The following AKAP13 variants were observed in gnomAD, a reference collection of about 807,000 sequenced individuals.
AKAP13 encodes the protein A-kinase anchoring protein 13.
In AKAP13, 80 loss-of-function variants were observed where a neutral mutation model predicts 264.5. The ratio of observed to expected loss-of-function variants is 0.30; its 90% CI spans 0.25 to 0.36. The LOEUF (loss-of-function observed/expected upper bound fraction) is 0.36, where lower values mean the gene tolerates loss of function less well. Ranked by LOEUF, AKAP13 falls within the 10% of genes least tolerant of loss-of-function variation. The pLI, the probability that AKAP13 is intolerant of heterozygous loss-of-function variation, is 1.00. For synonymous variants in AKAP13, 1,380 were observed against 1,250.2 expected (o/e 1.10, Z -2.19); for missense variants, 3,712 against 3,435.2 (o/e 1.08, Z -2.01).
chr15:85,638,648 A>G (rs1382786156), intron 8 of AKAP13, among the ~76,000 whole-genome samples: 1 of 152,102 alleles, frequency 6.6e-6, no homozygotes, highest in Non-Finnish European at 1.5e-5. Flanking sequence ...TAAAGGCAAT[A>G]TTTAAATTTT....
intron 5 of AKAP13, among the ~76,000 whole-genome samples, chr15:85,547,112 A>T (rs963690644): frequency 6.6e-6 from 1 of 152,252 alleles, no homozygotes; most frequent in East Asian, 1.9e-4. Flanking sequence ...AATTGTCCAC[A>T]TATAAGCCGG....
At chr15:85,642,590 C>T (rs2082359305) in intron 9 of AKAP13, among the ~76,000 whole-genome samples, 1 of 152,232 alleles carries the variant, frequency 6.6e-6, no homozygotes, top group African/African-American at 2.4e-5. Context: ...TACGGTCCCT[C>T]TCTCTCCATC....
chr15:85,557,840 TAAC>T (rs942576729), intron 5 of AKAP13, among the ~76,000 whole-genome samples: 1 of 152,204 alleles, frequency 6.6e-6, no homozygotes, highest in Non-Finnish European at 1.5e-5. Flanking sequence ...TTAATAGCAA[TAAC>T]AACAATAATA....
intron 2 of AKAP13, among the ~76,000 whole-genome samples, chr15:85,499,612 A>T (rs1208354224): frequency 1.3e-5 from 2 of 152,094 alleles, no homozygotes; most frequent in Non-Finnish European, 1.5e-5. Flanking sequence ...GCCATGTGAA[A>T]CTGTTAACGG....
chr15:85,485,615 A>G, intron 1 of AKAP13, 95 bp from the exon 2 acceptor site: 1 of 1,043,418 alleles, frequency 9.6e-7, no homozygotes, highest in Non-Finnish European at 1.5e-6. Flanking sequence ...GATTGTACTC[A>G]CAGAGCTATG....
At chr15:85,571,268 C>CTTT (rs35814250) in intron 5 of AKAP13, among the ~76,000 whole-genome samples, 267 of 151,256 alleles carry the variant, frequency 1.8e-3, no homozygotes, top group African/African-American at 5.0e-3. Context: ...GACTTATGTA[C>CTTT]TTTTTTTTTA....
chr15:85,401,202 CTATAA>C (rs1366112617), intron 1 of AKAP13, among the ~76,000 whole-genome samples: 1 of 152,022 alleles, frequency 6.6e-6, no homozygotes, highest in African/African-American at 2.4e-5. Flanking sequence ...TATGATGGTT[CTATAA>C]TAAAGTCTTG....
At chr15:85,401,864 C>G (rs1202669582) in intron 1 of AKAP13, among the ~76,000 whole-genome samples, 2 of 152,058 alleles carry the variant, frequency 1.3e-5, no homozygotes, top group Non-Finnish European at 1.5e-5. Context: ...GAATGAGTAA[C>G]AAGACAGTAG....
chr15:85,652,172 G>C (rs1189092899), intron 10 of AKAP13, among the ~76,000 whole-genome samples: 1 of 152,232 alleles, frequency 6.6e-6, no homozygotes, highest in Non-Finnish European at 1.5e-5. Flanking sequence ...ATTCTAGACA[G>C]ATCTCTTTGT....
intron 4 of AKAP13, among the ~76,000 whole-genome samples, chr15:85,537,491 C>G (rs1216960955): frequency 6.6e-6 from 1 of 152,304 alleles, no homozygotes; most frequent in Middle Eastern, 3.4e-3. Flanking sequence ...TTTTAGCTTT[C>G]TTCAGGTCAG....
At chr15:85,477,490 T>A (rs1430295205) in intron 1 of AKAP13, among the ~76,000 whole-genome samples, 1 of 152,062 alleles carries the variant, frequency 6.6e-6, no homozygotes, top group Non-Finnish European at 1.5e-5. Context: ...GGCCTGGCCC[T>A]GTTGGCTGGG....
At position 85,719,284 on chromosome 15, in the gene AKAP13, G is replaced by T. The variant is rs777011192; in HGVS notation, c.6210G>T (p.Lys2070Asn). The change falls in exon 23 of 37, where the codon AAG (lysine) becomes AAT (asparagine). Residue 2070 changes from lysine to asparagine, a missense_variant. Physicochemically the swap from Lys to Asn is moderately conservative, Grantham distance 94. Coordinates refer to ENST00000394518, the MANE Select transcript of AKAP13 (RefSeq NM_007200.5). Reference sequence around the variant, plus strand: ...AGTCTCTGGTGGATAAAAGTGAAAAGAACTTTCTCATCAAGAGGATAGGGG... The same window carrying T: ...AGTCTCTGGTGGATAAAAGTGAAAATAACTTTCTCATCAAGAGGATAGGGG... ...KKESLVDKSE[K>N]NFLIKRIGDV... 1 of 1,614,186 alleles carries T rather than the reference G, an allele frequency of 6.2e-7. No homozygotes were observed. The highest frequency in any genetic ancestry group is 1.1e-5 in the South Asian group (1 of 91,080).
chr15:85,447,190 C>T (rs537343327), intron 1 of AKAP13, among the ~76,000 whole-genome samples: 4 of 152,120 alleles, frequency 2.6e-5, no homozygotes, highest in South Asian at 2.1e-4. Flanking sequence ...TCTCTTGAAC[C>T]GGGGAGGTGG....
At chr15:85,429,704 A>G (rs2072944944) in intron 1 of AKAP13, among the ~76,000 whole-genome samples, 1 of 152,166 alleles carries the variant, frequency 6.6e-6, no homozygotes, top group African/African-American at 2.4e-5. Flanking sequence ...GCATAGTTAT[A>G]ACAGGGAGGC....
Position 85,457,257 on chromosome 15 carries a change from T to C in AKAP13, c.-11-28453T>C, listed in dbSNP as rs570862671. Among the ~76,000 whole-genome samples the C allele has an allele frequency of 3.9e-5, 6 of 152,316 alleles. No homozygotes were observed. In the South Asian group the frequency reaches 1.2e-3, roughly 32 times the overall value. On this transcript the variant is annotated intron_variant, in intron 1 of 36. Coordinates refer to ENST00000394518, the MANE Select transcript of AKAP13 (RefSeq NM_007200.5). ...CACAGTGAGTGCTGCTTTTTTTTGG[T>C]GATTGAGGGCCTACCGTAATATATC...
At chr15:85,537,597 C>T (rs1218570098) in intron 4 of AKAP13, among the ~76,000 whole-genome samples, 3 of 152,328 alleles carry the variant, frequency 2.0e-5, no homozygotes, top group African/African-American at 4.8e-5. Flanking sequence ...TCTTAAGTCT[C>T]CCTGAACTTC....
At chr15:85,519,245 T>C (rs978420308) in intron 2 of AKAP13, among the ~76,000 whole-genome samples, 41 of 152,186 alleles carry the variant, frequency 2.7e-4, no homozygotes, top group African/African-American at 9.9e-4. Context: ...ATTAAACCTT[T>C]ATTTATTGAC....
chr15:85,710,491 G>A (rs2086578948), intron 18 of AKAP13, 88 bp from the exon 19 acceptor site: 1 of 1,311,054 alleles, frequency 7.6e-7, no homozygotes, highest in Admixed American at 2.1e-5. Context: ...AGTGGGAAAG[G>A]AAGCTGAACT....
At position 85,721,998 on chromosome 15, in the gene AKAP13, G is replaced by C. The variant is rs749745134; in HGVS notation, c.6260G>C (p.Gly2087Ala). 1 of 1,614,072 alleles carries C rather than the reference G, an allele frequency of 6.2e-7. No homozygotes were observed. Among genetic ancestry groups the C allele is most frequent in the East Asian group, 2.2e-5 (1 of 44,884 alleles). Residue 2087 changes from glycine to alanine, a missense_variant, in exon 24 of 37, where the codon GGT becomes GCT. Physicochemically the swap from Gly to Ala is moderately conservative, Grantham distance 60. Coordinates refer to ENST00000394518, the MANE Select transcript of AKAP13 (RefSeq NM_007200.5). The stretch of plus-strand genomic sequence containing the variant: ...GTTCTCTTTTCTCTGCAGTTTTCAG[G>C]TGAGAATGCAGAACGTTTAAAGAAG... ...IGDVLVNQFSGENAERLKKTY... is the reference protein window; with the variant it reads ...IGDVLVNQFSAENAERLKKTY...
Sources: gnomAD v4.1 joint callset for allele counts (sites outside exome capture counted in the v4.1 genomes callset) on GRCh38, gnomAD v4.1.1 for gene constraint, MANE v1.5 for transcripts, NCBI Gene and HGNC (gene_info 2026-07-23, HGNC 2026-07-21) for gene names.